The following HECTD4 variants were observed in gnomAD, a reference collection of about 807,000 sequenced individuals.
HECTD4 encodes HECT domain E3 ubiquitin protein ligase 4.
In HECTD4, 114 loss-of-function variants were observed where a neutral mutation model predicts 471.5. That is an observed-to-expected ratio of 0.24 (90% confidence interval 0.21 to 0.28). The LOEUF is 0.28. Among genes scored for constraint, HECTD4 ranks in the 10% least tolerant of loss-of-function variants. The pLI, the probability that HECTD4 is intolerant of heterozygous loss-of-function variation, is 1.00. For synonymous variants in HECTD4, 2,012 were observed against 2,256.0 expected (o/e 0.89, Z 3.07); for missense variants, 3,866 against 5,651.5 (o/e 0.68, Z 10.13).
At position 112,203,875 on chromosome 12, in the gene HECTD4, A is replaced by T. The variant is rs755204014; in HGVS notation, c.8270-103T>A. On this transcript the variant is annotated intron_variant, in intron 53 of 75. Coordinates refer to ENST00000682272, the MANE Select transcript of HECTD4 (RefSeq NM_001388303.1). The stretch of plus-strand genomic sequence containing the variant: ...GCTCTCCAGATAAACATAAAATAAT[A>T]AAATAAAATAAAATAAAATAGCTCT... The T allele has an allele frequency of 1.6e-5, 9 of 569,908 alleles. No individual in the cohort carries two copies. In the South Asian group the frequency reaches 2.4e-4, roughly 15 times the overall value. 35.3% of individuals were successfully genotyped at this position (569,908 alleles called of 1,614,324 possible).
At chr12:112,278,892 A>C (rs1276222746) in intron 9 of HECTD4, among the ~76,000 whole-genome samples, 1 of 151,474 alleles carries the variant, frequency 6.6e-6, no homozygotes, top group East Asian at 1.9e-4. Context: ...GACTCCGTCT[A>C]AAAAAAAAGA....
At position 112,185,030 on chromosome 12, in the gene HECTD4, C is replaced by A; in HGVS notation, c.9936G>T (p.Arg3312Ser). Residue 3312 changes from arginine to serine, a missense_variant, in exon 61 of 76, where the codon AGG becomes AGT. Coordinates refer to ENST00000682272, the MANE Select transcript of HECTD4 (RefSeq NM_001388303.1). ...TTTCCCGCTTCATCTTGACTTTTTTCCTCTTGGAGAGGAGGCTGGGACTCT... is the reference window on the plus strand; with the variant it reads ...TTTCCCGCTTCATCTTGACTTTTTTACTCTTGGAGAGGAGGCTGGGACTCT... Reference protein sequence around the residue: ...TPQSPSLLSKRKKVKMKREKA... With the variant: ...TPQSPSLLSKSKKVKMKREKA... The A allele has an allele frequency of 1.3e-6, 2 of 1,599,024 alleles. No homozygotes were observed. Among genetic ancestry groups the A allele is most frequent in the Non-Finnish European group, 1.7e-6 (2 of 1,172,858 alleles).
rs12228997 is a variant in HECTD4 at position 112,254,871 on chromosome 12, T to C, written c.3328-709A>G. Among the ~76,000 whole-genome samples the C allele has an allele frequency of 0.056, 8,477 of 152,228 alleles. 1,294 individuals are homozygous for C. The East Asian group carries it at 0.61, about 11-fold the overall frequency. On this transcript the variant is annotated intron_variant, in intron 21 of 75. Transcript: ENST00000682272. The stretch of plus-strand genomic sequence containing the variant: ...ATAGCTCATTTGGCATTCAAAGACT[T>C]CCATAGGAAAAATAAAGCTCTGGCT...
Position 112,235,665 on chromosome 12 carries a change from G to A in HECTD4, c.5564C>T (p.Ala1855Val), listed in dbSNP as rs775749459. 2.0e-5 allele frequency: 33 copies of A among 1,613,866 alleles called. No homozygotes were observed. Among genetic ancestry groups the A allele is most frequent in the African/African-American group, 2.7e-5 (2 of 74,920 alleles). ...LVLIILQLCR[A>V]ALPLMSVEDC... ...TTCTACGCTCATCAGGGGCAGCGCCGCCCGGCACAGCTGGAGAATAATAAG... is the reference window on the plus strand; with the variant it reads ...TTCTACGCTCATCAGGGGCAGCGCCACCCGGCACAGCTGGAGAATAATAAG... The change falls in exon 36 of 76, where the codon GCG becomes GTG. Residue 1855 changes from alanine to valine, a missense_variant. Around this residue, in one of 16 missense-constraint regions of HECTD4, gnomAD observed 617 missense variants for 915.1 expected, o/e 0.67. Coordinates refer to ENST00000682272, the MANE Select transcript of HECTD4 (RefSeq NM_001388303.1). The surrounding 1 kb of genome is among the most constrained non-coding windows in gnomAD (Gnocchi z 5.0).
chr12:112,371,886 CAAAAAAAAAAAA>C (rs535844706), intron 1 of HECTD4, among the ~76,000 whole-genome samples: 14 of 57,252 alleles, frequency 2.4e-4, no homozygotes, highest in Non-Finnish European at 4.3e-4. Flanking sequence ...AACTCTGTCT[CAAAAAAAAAAAA>C]AAAAAAAAAG....
intron 73 of HECTD4, 46 bp downstream of exon 73, chr12:112,164,063 T>A (rs1393430656): frequency 2.2e-6 from 3 of 1,380,104 alleles, no homozygotes; most frequent in African/African-American, 1.5e-5. Context: ...CCTGGCTGGC[T>A]GGCCGGGCCA....
chr12:112,164,708 G>A (rs1352752158), intron 72 of HECTD4, among the ~76,000 whole-genome samples: 1 of 150,262 alleles, frequency 6.7e-6, no homozygotes, highest in Non-Finnish European at 1.5e-5. Context: ...GCAACCCCTC[G>A]CCTCCTGGGT....
At chr12:112,371,903 A>G (rs905789942) in intron 1 of HECTD4, among the ~76,000 whole-genome samples, 11 of 150,660 alleles carry the variant, frequency 7.3e-5, no homozygotes, top group East Asian at 2.0e-4. Flanking sequence ...AAAAAAAAAA[A>G]AAAAGAAAAA....
chr12:112,166,029 C>T lies in HECTD4; in HGVS notation c.12534+1288G>A, dbSNP rs2030942307. Among the ~76,000 whole-genome samples the T allele has an allele frequency of 6.6e-6, 1 of 152,206 alleles. No homozygotes were observed. Among genetic ancestry groups the T allele is most frequent in the South Asian group, 2.1e-4 (1 of 4,830 alleles). On this transcript the variant is annotated intron_variant, in intron 72 of 75. Coordinates refer to ENST00000682272, the MANE Select transcript of HECTD4 (RefSeq NM_001388303.1). This position sits in a 1 kb window ranked among gnomAD's most constrained non-coding sequence, Gnocchi z 4.6. The stretch of plus-strand genomic sequence containing the variant: ...CACCCCACAACACCATGTGGTTCTG[C>T]ATCCCATACCCTCTGGGGCCTTGGC...
intron 44 of HECTD4, among the ~76,000 whole-genome samples, chr12:112,225,852 G>A (rs934482666): frequency 6.6e-5 from 10 of 152,018 alleles, no homozygotes; most frequent in Admixed American, 1.3e-4. Flanking sequence ...GCATTCAAAC[G>A]CCTGGGCTCA....
chr12:112,172,440 T>C (rs1435626886), intron 67 of HECTD4, among the ~76,000 whole-genome samples: 5 of 152,258 alleles, frequency 3.3e-5, no homozygotes, highest in Non-Finnish European at 1.5e-5. Flanking sequence ...CTGGCTTTGT[T>C]GTCACTGGCA....
At chr12:112,237,136 A>C (rs1371250636) in intron 34 of HECTD4, 38 bp from the exon 35 acceptor site, 5 of 1,515,768 alleles carry the variant, frequency 3.3e-6, no homozygotes, top group Non-Finnish European at 4.4e-6. Flanking sequence ...GATTGGTGAA[A>C]ACTTAAGGGT....
At position 112,229,754 on chromosome 12, in the gene HECTD4, C is replaced by T. The variant is rs200222003; in HGVS notation, c.6463G>A (p.Ala2155Thr). ...LQRIARQAVA[A>T]LCALGGFKET... ...TTGAAGCCTCCAAGTGCACACAGTGCGGCAACGGCCTGGCGTGCAATTCTC... is the reference window on the plus strand; with the variant it reads ...TTGAAGCCTCCAAGTGCACACAGTGTGGCAACGGCCTGGCGTGCAATTCTC... Residue 2155 changes from alanine (A) to threonine (T), a missense_variant, in exon 41 of 76, where the codon GCA becomes ACA. Physicochemically the swap from Ala to Thr is moderately conservative, Grantham distance 58. This residue lies in a region of HECTD4 where 617 missense variants were observed against 915.1 expected (regional missense o/e 0.67). Coordinates refer to ENST00000682272, the MANE Select transcript of HECTD4 (RefSeq NM_001388303.1). The T allele has an allele frequency of 1.7e-5, 27 of 1,613,902 alleles. No individual in the cohort carries two copies. The highest frequency in any genetic ancestry group is 1.6e-4 in the Middle Eastern group (1 of 6,084).
intron 1 of HECTD4, among the ~76,000 whole-genome samples, chr12:112,373,580 T>C (rs1294420775): frequency 6.6e-6 from 1 of 152,130 alleles, no homozygotes; most frequent in Non-Finnish European, 1.5e-5. Flanking sequence ...ACCAACCTCA[T>C]GTTTTTTGTG....
chr12:112,218,269 A>G (rs539058554), intron 45 of HECTD4, among the ~76,000 whole-genome samples: 1 of 152,204 alleles, frequency 6.6e-6, no homozygotes, highest in Non-Finnish European at 1.5e-5. Flanking sequence ...GTATATATTT[A>G]TGGGGTAAGT....
chr12:112,333,892 G>A (rs915043467), intron 1 of HECTD4, among the ~76,000 whole-genome samples: 1 of 152,022 alleles, frequency 6.6e-6, no homozygotes, highest in African/African-American at 2.4e-5. Flanking sequence ...GTAAGCAAAT[G>A]GCTGATGAGA....
At chr12:112,321,016 G>T (rs2035575265) in intron 1 of HECTD4, among the ~76,000 whole-genome samples, 2 of 152,006 alleles carry the variant, frequency 1.3e-5, no homozygotes, top group Non-Finnish European at 2.9e-5. Flanking sequence ...GCTAATTTTT[G>T]TATTTTTAGT....
At chr12:112,185,575 C>T (rs2031832443) in intron 60 of HECTD4, 82 bp from the exon 61 acceptor site, 1 of 1,054,588 alleles carries the variant, frequency 9.5e-7, no homozygotes, top group African/African-American at 1.6e-5. Context: ...TGGAATCAAC[C>T]CTCATAACAA....
At chr12:112,207,116 G>GTGTGTA (rs1555250152) in intron 52 of HECTD4, among the ~76,000 whole-genome samples, 2 of 147,332 alleles carry the variant, frequency 1.4e-5, no homozygotes, top group Admixed American at 6.8e-5. Context: ...ATGTGTGTGT[G>GTGTGTA]TGTATGTATG....
Sources: gnomAD v4.1 joint callset for allele counts (sites outside exome capture counted in the v4.1 genomes callset) on GRCh38, gnomAD v4.1.1 for gene constraint, gnomAD v4.1.1 regional missense constraint, Gnocchi (gnomAD v3.1) non-coding constraint, MANE v1.5 for transcripts, NCBI Gene and HGNC (gene_info 2026-07-23, HGNC 2026-07-21) for gene names.